FAM234A: variants seen among roughly 807,000 people sequenced by gnomAD.
FAM234A encodes protein FAM234A.
Under a neutral mutation model 49.1 loss-of-function variants are expected in FAM234A, and 42 were observed. The ratio of observed to expected loss-of-function variants is 0.86; its 90% confidence interval spans 0.67 to 1.11. FAM234A has a LOEUF of 1.11. FAM234A is among the 50% of genes least tolerant of loss of function. FAM234A has a pLI of 0.00. For synonymous variants in FAM234A, 369 were observed against 316.2 expected (o/e 1.17, Z -1.77); for missense variants, 815 against 745.2 (o/e 1.09, Z -1.09).
chr16:269,524 A>C, downstream of FAM234A: 2 of 1,613,286 alleles, frequency 1.2e-6, no homozygotes, highest in Non-Finnish European at 1.7e-6. Context: ...CTCCAGCGGG[A>C]TCCCAGCCTC....
chr16:252,305 C>T (rs2141265555), intron 2 of FAM234A, among the ~76,000 whole-genome samples: 1 of 151,780 alleles, frequency 6.6e-6, no homozygotes, highest in African/African-American at 2.4e-5. Context: ...CCTCAGCCTC[C>T]CGAGTAGCTG....
At chr16:259,651 G>A (rs200956845) in intron 4 of FAM234A, 52 bp downstream of exon 4, 49 of 1,114,950 alleles carry the variant, frequency 4.4e-5, no homozygotes, top group Non-Finnish European at 6.0e-5. Context: ...AAGAGGAATC[G>A]TCATTTTGGG....
intron 5 of FAM234A, 141 bp from the exon 6 acceptor site, chr16:261,243 T>C (rs933994663): frequency 2.1e-6 from 2 of 957,036 alleles, no homozygotes; most frequent in African/African-American, 3.3e-5. Context: ...CCTGTTGGCA[T>C]CTGCTCTGAG....
intron 1 of FAM234A, among the ~76,000 whole-genome samples, chr16:245,534 A>C (rs1385437335): frequency 1.3e-5 from 2 of 151,846 alleles, no homozygotes; most frequent in Admixed American, 6.6e-5. Context: ...GTTTGTGAAA[A>C]CCCTAAGAAT....
At position 265,187 on chromosome 16, in the gene FAM234A, GGGACCT is replaced by G; in HGVS notation, c.*167_*172del. On this transcript the variant is annotated 3_prime_UTR_variant, in exon 13 of 13. Transcript: ENST00000399932. ...TACCAGTCCTCCATGATCACACCCAGGGACCTGCATGGGTGAGGGGACACCCTGGGC... is the reference window on the plus strand; with the variant it reads ...TACCAGTCCTCCATGATCACACCCAGGCATGGGTGAGGGGACACCCTGGGC... The G allele has an allele frequency of 2.1e-6, 3 of 1,421,808 alleles. No homozygotes were observed. The highest frequency in any genetic ancestry group is 4.8e-4 in the Middle Eastern group (2 of 4,172). 88.1% of individuals were successfully genotyped at this position (1,421,808 alleles called of 1,614,324 possible). A position where few individuals can be genotyped will look rare whatever the true frequency, so the allele number is the denominator to read the frequency against.
At chr16:241,956 C>T (rs2050633947) in intron 1 of FAM234A, among the ~76,000 whole-genome samples, 1 of 149,316 alleles carries the variant, frequency 6.7e-6, no homozygotes, top group South Asian at 2.1e-4. Flanking sequence ...TTTTTATTTT[C>T]TGTTCTCTGT....
intron 1 of FAM234A, among the ~76,000 whole-genome samples, chr16:238,397 G>A (rs1266000933): frequency 6.6e-6 from 1 of 152,064 alleles, no homozygotes; most frequent in East Asian, 1.9e-4. Context: ...ATTTCAGCTG[G>A]GGTGCTGGCC....
intron 3 of FAM234A, among the ~76,000 whole-genome samples, chr16:257,389 G>A (rs1283483942): frequency 6.6e-6 from 1 of 151,430 alleles, no homozygotes; most frequent in African/African-American, 2.4e-5. Flanking sequence ...GGGATTACAG[G>A]TGCCCGCCTC....
chr16:266,210 G>A (rs868298232), downstream of FAM234A: 146 of 652,486 alleles, frequency 2.2e-4, 1 homozygote, highest in African/African-American at 2.7e-3. Flanking sequence ...TGGCCAGCCT[G>A]GGTCAGGGTG....
chr16:268,711 G>T (rs1042637599), downstream of FAM234A: 52 of 1,499,386 alleles, frequency 3.5e-5, no homozygotes, highest in Non-Finnish European at 4.5e-5. Context: ...AGGAATAGGC[G>T]CAGCTCCGGA....
At chr16:247,410 T>G (rs1473849497) in intron 1 of FAM234A, among the ~76,000 whole-genome samples, 1 of 151,680 alleles carries the variant, frequency 6.6e-6, no homozygotes, top group African/African-American at 2.4e-5. Context: ...ATTATAGACA[T>G]GAGACAACAC....
downstream of FAM234A, among the ~76,000 whole-genome samples, chr16:267,690 C>T (rs980067009): frequency 1.2e-4 from 18 of 150,612 alleles, no homozygotes; most frequent in African/African-American, 3.9e-4. Context: ...TGCACACGTG[C>T]ACTACACACA....
Position 247,551 on chromosome 16 carries a change from G to A in FAM234A, c.-139-1998G>A, listed in dbSNP as rs549965003. Among the ~76,000 whole-genome samples the A allele has an allele frequency of 4.0e-5, 6 of 151,584 alleles. No homozygotes were observed. In the South Asian group the frequency reaches 1.2e-3, roughly 32 times the overall value. Reference sequence around the variant, plus strand: ...AGGTTCAAACAATTCTCCTGCCCTTGACTCCCAAGTGACTGGGATTAAGGT... The same window carrying A: ...AGGTTCAAACAATTCTCCTGCCCTTAACTCCCAAGTGACTGGGATTAAGGT... On this transcript the variant is annotated intron_variant, in intron 1 of 12. Transcript: ENST00000399932.
intron 11 of FAM234A, 75 bp from the exon 12 acceptor site, chr16:264,539 C>T (rs926095185): frequency 1.8e-5 from 18 of 1,009,248 alleles, no homozygotes; most frequent in Admixed American, 1.1e-4. Flanking sequence ...GCTCCAGGCA[C>T]GGTCACTCTG....
At chr16:251,689 T>TC (rs1163830269) in intron 2 of FAM234A, among the ~76,000 whole-genome samples, 1 of 141,962 alleles carries the variant, frequency 7.0e-6, no homozygotes, top group East Asian at 2.0e-4. Context: ...GTTTTTTTTT[T>TC]TTTTTTTTTT....
rs866793208 is a variant in FAM234A, at chr16:240,502, A to T, written c.-140+5645A>T. ...GGCTTGAGCCGCTGCATCTGGGTGT[A>T]TTTTTTTTTTTTTTTTTGAGACAGA... On this transcript the variant is annotated intron_variant, in intron 1 of 12. Coordinates refer to ENST00000399932, the MANE Select transcript of FAM234A (RefSeq NM_032039.4). Among the ~76,000 whole-genome samples the T allele has an allele frequency of 3.3e-3, 433 of 131,946 alleles. 1 individual carries two copies. The highest frequency in any genetic ancestry group is 0.012 in the African/African-American group (403 of 33,098). The allele number at this position is 131,946 out of a possible 152,430, so 86.6% of individuals were successfully genotyped here.
intron 2 of FAM234A, among the ~76,000 whole-genome samples, chr16:252,180 TTTTTG>T (rs1441376823): frequency 1.6e-4 from 21 of 128,748 alleles, no homozygotes; most frequent in African/African-American, 3.4e-4. Flanking sequence ...GTTTTTCTGT[TTTTTG>T]TTTTTTTTTT....
intron 1 of FAM234A, among the ~76,000 whole-genome samples, chr16:243,169 G>A (rs2050679798): frequency 6.6e-6 from 1 of 151,680 alleles, no homozygotes; most frequent in African/African-American, 2.4e-5. Flanking sequence ...TGTAGAGATG[G>A]GGTCTCCCCA....
chr16:258,643 A>C (rs2051333766), intron 3 of FAM234A, among the ~76,000 whole-genome samples: 1 of 152,154 alleles, frequency 6.6e-6, no homozygotes, highest in Non-Finnish European at 1.5e-5. Flanking sequence ...CATTGTCATC[A>C]TGGCCCGTTC....
Sources: allele counts gnomAD v4.1 joint callset (sites outside exome capture counted in the v4.1 genomes callset), GRCh38; gene constraint gnomAD v4.1.1; transcripts MANE v1.5; gene names NCBI Gene and HGNC (gene_info 2026-07-23, HGNC 2026-07-21).